The following TOX2 variants were observed in gnomAD, a reference collection of about 807,000 sequenced individuals.
TOX2 encodes the protein granulosa cell HMG box 1.
TOX2 carries 15 observed loss-of-function variants against 47.4 expected under a neutral mutation model. The ratio of observed to expected loss-of-function variants is 0.32; its 90% confidence interval spans 0.21 to 0.49. The LOEUF is 0.49. Ranked by LOEUF, TOX2 falls within the 20% of genes least tolerant of loss-of-function variation. TOX2 has a pLI of 0.99. For synonymous variants in TOX2, 290 were observed against 296.6 expected (o/e 0.98, Z 0.23); for missense variants, 622 against 673.1 (o/e 0.92, Z 0.84).
chr20:44,052,723 A>T (rs140164165), intron 4 of TOX2, among the ~76,000 whole-genome samples: 345 of 152,340 alleles, frequency 2.3e-3, no homozygotes, highest in South Asian at 9.5e-3. Flanking sequence ...AGATGGGGAC[A>T]CTGAGGCACA....
intron 1 of TOX2, among the ~76,000 whole-genome samples, chr20:43,965,749 C>G (rs1170627561): frequency 6.6e-6 from 1 of 152,008 alleles, no homozygotes; most frequent in Non-Finnish European, 1.5e-5. Flanking sequence ...AGACCCAGGA[C>G]CAAGAGTGGG....
At position 43,920,238 on chromosome 20, in the gene TOX2, C is replaced by T. The variant is rs185758768; in HGVS notation, c.99+5248C>T. Among the ~76,000 whole-genome samples, 5 of 152,326 alleles carry T rather than the reference C, an allele frequency of 3.3e-5. No homozygotes were observed. In the East Asian group the frequency reaches 9.6e-4, roughly 29 times the overall value. ...TGGGTGAAGGATTCAACTTCCCACC[C>T]ACACAGCTCTGGGCACAGCATCTTG... On this transcript the variant is annotated intron_variant, in intron 1 of 8. Coordinates refer to ENST00000341197, the MANE Select transcript of TOX2 (RefSeq NM_001098797.2).
At chr20:44,034,888 G>A (rs2071215311) in intron 3 of TOX2, among the ~76,000 whole-genome samples, 1 of 152,294 alleles carries the variant, frequency 6.6e-6, no homozygotes, top group Admixed American at 6.5e-5. Context: ...CTTAACACAT[G>A]TCTGCCTGTG....
chr20:44,005,771 C>A (rs2070668613), intron 2 of TOX2, among the ~76,000 whole-genome samples: 1 of 152,178 alleles, frequency 6.6e-6, no homozygotes, highest in Non-Finnish European at 1.5e-5. Flanking sequence ...CTTTGACCCA[C>A]CAGGAGGTCC....
chr20:43,916,248 G>A lies in TOX2; in HGVS notation c.99+1258G>A. ...AGTGGCTGGATCGGCGCCCCCCAGGGTCTCTCCCCAACCTCGCAGGCTTTT... is the reference window on the plus strand; with the variant it reads ...AGTGGCTGGATCGGCGCCCCCCAGGATCTCTCCCCAACCTCGCAGGCTTTT... On this transcript the variant is annotated intron_variant, in intron 1 of 8. Coordinates refer to ENST00000341197, the MANE Select transcript of TOX2 (RefSeq NM_001098797.2). This position sits in a 1 kb window ranked among gnomAD's most constrained non-coding sequence, Gnocchi z 5.0. 1 of 984,372 alleles carries A rather than the reference G, an allele frequency of 1.0e-6. No individual in the cohort carries two copies. Among genetic ancestry groups the A allele is most frequent in the Non-Finnish European group, 1.2e-6 (1 of 828,946 alleles). The allele number at this position is 984,372 out of a possible 1,614,324, so 61.0% of individuals were successfully genotyped here.
At chr20:44,051,152 G>T (rs568362709) in intron 3 of TOX2, among the ~76,000 whole-genome samples, 154 bp from the exon 4 acceptor site, 1 of 152,316 alleles carries the variant, frequency 6.6e-6, no homozygotes, top group Admixed American at 6.5e-5. Flanking sequence ...AGTAGCATGA[G>T]GCTCCATCTT....
chr20:43,941,565 T>A (rs376240125), intron 1 of TOX2, among the ~76,000 whole-genome samples: 3 of 152,278 alleles, frequency 2.0e-5, no homozygotes, highest in East Asian at 1.9e-4. Context: ...ACTCCTGACG[T>A]CATGTGATCC....
intron 2 of TOX2, among the ~76,000 whole-genome samples, chr20:43,995,759 G>A (rs1367469849): frequency 6.6e-6 from 1 of 152,124 alleles, no homozygotes; most frequent in Non-Finnish European, 1.5e-5. Context: ...GAGAACATGT[G>A]GTATTTGCTT....
chr20:43,919,335 A>G (rs2069089320), intron 1 of TOX2, among the ~76,000 whole-genome samples: 1 of 152,222 alleles, frequency 6.6e-6, no homozygotes, highest in Non-Finnish European at 1.5e-5. Context: ...AATATATGGT[A>G]TCATGATTGA....
chr20:44,062,391 T>TAAATA (rs1321449568), intron 5 of TOX2, among the ~76,000 whole-genome samples: 11 of 148,374 alleles, frequency 7.4e-5, no homozygotes, highest in African/African-American at 2.8e-4. Context: ...AATAAATAAA[T>TAAATA]AAATAAATAA....
chr20:43,924,241 T>TG (rs1404591158), intron 1 of TOX2, among the ~76,000 whole-genome samples: 8 of 152,198 alleles, frequency 5.3e-5, no homozygotes, highest in African/African-American at 1.9e-4. Context: ...GTCACTCACT[T>TG]GCTCAAGGTT....
chr20:44,053,615 C>T (rs6017256), intron 4 of TOX2, among the ~76,000 whole-genome samples: 295 of 49,418 alleles, frequency 6.0e-3, no homozygotes, highest in African/African-American at 0.019. Flanking sequence ...TATACATATA[C>T]ACACACACAC....
In TOX2 at chr20:44,054,303, C is replaced by A. The variant is rs561015693; in HGVS notation, c.656C>A (p.Ser219Ter). Residue 219 changes from serine to a stop codon, truncating the protein, a stop_gained, in exon 5 of 9, where the codon TCG (serine) becomes TAG (stop). Transcript: ENST00000341197. LOFTEE classifies it high-confidence loss of function. ...TGACTCTTCTCACTCGGGCAGATCTCGGGAGAAAAGAGACCTTCAGCCGAC... is the reference window on the plus strand; with the variant it reads ...TGACTCTTCTCACTCGGGCAGATCTAGGGAGAAAAGAGACCTTCAGCCGAC... ...EEESEVHFKISGEKRPSADPG... is the reference protein window; with the variant it reads ...EEESEVHFKI 1 of 1,607,852 alleles carries A rather than the reference C, an allele frequency of 6.2e-7. No homozygotes were observed. Among genetic ancestry groups the A allele is most frequent in the African/African-American group, 1.3e-5 (1 of 74,706 alleles).
chr20:44,012,493 C>T (rs912317712), intron 3 of TOX2, among the ~76,000 whole-genome samples: 2 of 152,172 alleles, frequency 1.3e-5, no homozygotes, highest in African/African-American at 4.8e-5. Flanking sequence ...TTTTCCTGCA[C>T]CAAGCCCTGT....
chr20:43,931,432 G>A (rs556769414), intron 1 of TOX2, among the ~76,000 whole-genome samples: 1 of 152,274 alleles, frequency 6.6e-6, no homozygotes, highest in South Asian at 2.1e-4. Context: ...ACCACGCCTC[G>A]CTAAACATAC....
chr20:43,950,941 A>C (rs1420980999), intron 1 of TOX2, among the ~76,000 whole-genome samples: 1 of 151,936 alleles, frequency 6.6e-6, no homozygotes, highest in Non-Finnish European at 1.5e-5. Context: ...CATGAGTAAG[A>C]ACCAGCCCAG....
At chr20:43,960,802 T>G (rs1032488770) in intron 1 of TOX2, among the ~76,000 whole-genome samples, 5 of 152,242 alleles carry the variant, frequency 3.3e-5, no homozygotes, top group Non-Finnish European at 5.9e-5. Flanking sequence ...ACTGTCAGCA[T>G]GCCTTGGTCA....
At chr20:44,015,177 G>C (rs1258815988) in intron 3 of TOX2, among the ~76,000 whole-genome samples, 1 of 152,184 alleles carries the variant, frequency 6.6e-6, no homozygotes, top group African/African-American at 2.4e-5. Context: ...GTGGTAACTA[G>C]AGGCCCTGGG....
At chr20:44,038,224 T>G (rs1400114746) in intron 3 of TOX2, among the ~76,000 whole-genome samples, 1 of 152,076 alleles carries the variant, frequency 6.6e-6, no homozygotes, top group African/African-American at 2.4e-5. Flanking sequence ...AGAGAGACCC[T>G]GTATCTACAA....
Sources: gnomAD v4.1 joint callset for allele counts (sites outside exome capture counted in the v4.1 genomes callset) on GRCh38, gnomAD v4.1.1 for gene constraint, Gnocchi (gnomAD v3.1) non-coding constraint, MANE v1.5 for transcripts, NCBI Gene and HGNC (gene_info 2026-07-23, HGNC 2026-07-21) for gene names.